Variants in ERCC6 observed in about 807,000 individuals in gnomAD.
ERCC6 encodes ERCC excision repair 6, chromatin remodeling factor, also known as DNA excision repair protein ERCC-6.
A neutral mutation model predicts 158.7 loss-of-function variants in ERCC6; 116 were observed. The ratio of observed to expected loss-of-function variants is 0.73; its 90% CI spans 0.63 to 0.85. The LOEUF (loss-of-function observed/expected upper bound fraction) is 0.85, where lower values mean the gene tolerates loss of function less well. ERCC6 is among the 40% of genes least tolerant of loss of function. The probability of loss-of-function intolerance (pLI) is 0.00; values close to 1 mark genes in which losing one functional copy is unlikely to be tolerated. For synonymous variants in ERCC6, 678 were observed against 659.3 expected, an observed-to-expected ratio of 1.03 and a Z score of -0.43; for missense variants, 1,698 against 1,799.4, an observed-to-expected ratio of 0.94 and a Z score of 1.02.
chr10:49,507,239 C>G (rs1851459457), intron 5 of ERCC6, among the ~76,000 whole-genome samples: 1 of 152,092 alleles, frequency 6.6e-6, no homozygotes, highest in African/African-American at 2.4e-5. Context: ...TTCAAGGTAA[C>G]AAAAGGAAGG....
Position 49,482,803 on chromosome 10 carries a change from G to C in ERCC6, c.2053C>G (p.Leu685Val), listed in dbSNP as rs577381204. 5 of 1,614,064 alleles carry C rather than the reference G, an allele frequency of 3.1e-6. No individual in the cohort carries two copies. Among genetic ancestry groups the C allele is most frequent in the Non-Finnish European group, 3.4e-6 (4 of 1,180,014 alleles). ...AAGATGAAGTCAAAGAGCGACCACAGCTCTCGGAGGTTATTTTGCATCGGT... is the reference window on the plus strand; with the variant it reads ...AAGATGAAGTCAAAGAGCGACCACACCTCTCGGAGGTTATTTTGCATCGGT... ...GSPMQNNLRE[L>V]WSLFDFIFPG... The change falls in exon 10 of 21, where the codon CTG becomes GTG. Residue 685 changes from leucine to valine, a missense_variant. By Grantham distance (32) the Leu-to-Val change is conservative. Coordinates refer to ENST00000355832, the MANE Select transcript of ERCC6 (RefSeq NM_000124.4).
At chr10:49,448,513 T>C in the ERCC6 span, among the ~76,000 whole-genome samples, 3 of 152,358 alleles carry the variant, frequency 2.0e-5, no homozygotes, top group East Asian at 3.9e-4. Context: ...GCTTTTAGTA[T>C]ACTCAAAGAT....
intron 16 of ERCC6, among the ~76,000 whole-genome samples, chr10:49,471,713 C>T (rs1278666807): frequency 6.6e-6 from 1 of 152,208 alleles, no homozygotes; most frequent in African/African-American, 2.4e-5. Context: ...ACTCGTCCTC[C>T]ACCCTCACAC....
chr10:49,467,092 T>G (rs900244887), intron 18 of ERCC6, among the ~76,000 whole-genome samples: 5 of 152,238 alleles, frequency 3.3e-5, no homozygotes, highest in African/African-American at 1.2e-4. Context: ...GACTAGTATT[T>G]GATCATATGG....
intron 6 of ERCC6, chr10:49,503,522 A>G (rs1851389982): frequency 6.6e-6 from 1 of 152,100 alleles, no homozygotes; most frequent in South Asian, 2.1e-4. Context: ...AGGCCCTCAG[A>G]TGGTATTTAA....
At chr10:49,443,809 G>T in the ERCC6 span, among the ~76,000 whole-genome samples, 18 of 152,296 alleles carry the variant, frequency 1.2e-4, no homozygotes, top group African/African-American at 3.9e-4. Flanking sequence ...ATATAGCCTA[G>T]GTGTGTAGTA....
At position 49,454,798 on chromosome 10, in the gene ERCC6, C is replaced by A. The variant is rs916519563; in HGVS notation, c.*4017G>T. ...CCATTTGTGATAATCAATTATGATA[C>A]CACAATGATAAAAACAGTGGGTTAC... On this transcript the variant is annotated 3_prime_UTR_variant, in exon 21 of 21. Coordinates refer to ENST00000355832, the MANE Select transcript of ERCC6 (RefSeq NM_000124.4). Among the ~76,000 whole-genome samples the A allele has an allele frequency of 6.6e-6, 1 of 151,902 alleles. No homozygotes were observed. The highest frequency in any genetic ancestry group is 1.5e-5 in the Non-Finnish European group (1 of 67,992).
At chr10:49,444,395 A>C in the ERCC6 span, among the ~76,000 whole-genome samples, 1 of 152,274 alleles carries the variant, frequency 6.6e-6, no homozygotes, top group Middle Eastern at 3.4e-3. Context: ...AGCTAAGACC[A>C]CCCAAGATCT....
intron 20 of ERCC6, chr10:49,459,980 C>G: frequency 3.3e-6 from 1 of 300,670 alleles, no homozygotes; most frequent in Non-Finnish European, 6.4e-6. Flanking sequence ...AAGACAGGCA[C>G]TCTGCTCTAG....
Position 49,459,051 on chromosome 10 carries a change from A to G in ERCC6, c.4246T>C (p.Ser1416Pro), listed in dbSNP as rs775164694. The G allele has an allele frequency of 6.2e-7, 1 of 1,614,192 alleles. No individual in the cohort carries two copies. The highest frequency in any genetic ancestry group is 1.1e-5 in the South Asian group (1 of 91,086). ...TGTTCTGTGGTGGGCAGCAGGGCAGAAGCTTCCTGCAGGTGCCCGCTTTCA... is the reference window on the plus strand; with the variant it reads ...TGTTCTGTGGTGGGCAGCAGGGCAGGAGCTTCCTGCAGGTGCCCGCTTTCA... ...ESESGHLQEA[S>P]ALLPTTEHDD... Residue 1416 changes from serine to proline, a missense_variant, in exon 21 of 21, where the codon TCT (serine) becomes CCT (proline). Transcript: ENST00000355832.
At chr10:49,517,331 T>C (rs1837009848) in intron 5 of ERCC6, among the ~76,000 whole-genome samples, 1 of 152,238 alleles carries the variant, frequency 6.6e-6, no homozygotes, top group African/African-American at 2.4e-5. Flanking sequence ...TATATGTACC[T>C]GTCTTTGGAT....
At chr10:49,473,101 T>C in intron 14 of ERCC6, 73 bp from the exon 15 acceptor site, 1 of 1,602,662 alleles carries the variant, frequency 6.2e-7, no homozygotes, top group Non-Finnish European at 8.5e-7. Flanking sequence ...TGCCTCCACA[T>C]ATTGTACACA....
intron 1 of ERCC6, 100 bp from the exon 2 acceptor site, chr10:49,533,078 G>C (rs889475751): frequency 4.4e-6 from 6 of 1,366,638 alleles, no homozygotes; most frequent in African/African-American, 4.4e-5. Context: ...AAAAGATCAA[G>C]TAATAATCTT....
At chr10:49,538,159 C>G (rs61846616) in intron 1 of ERCC6, among the ~76,000 whole-genome samples, 24,080 of 152,190 alleles carry the variant, frequency 0.16, 2,677 homozygotes, top group South Asian at 0.26. Context: ...ATCTGGGACA[C>G]TAGTATCTTC....
intron 5 of ERCC6, chr10:49,516,350 C>T (rs1554791909): frequency 6.2e-7 from 1 of 1,614,120 alleles, no homozygotes; most frequent in South Asian, 1.1e-5. Context: ...TCATGCATCT[C>T]TCATTAAGTT....
chr10:49,460,321 C>T, intron 20 of ERCC6, 52 bp downstream of exon 20: 1 of 1,269,170 alleles, frequency 7.9e-7, no homozygotes, highest in Non-Finnish European at 1.2e-6. Context: ...ATTTTCACAG[C>T]ATTCAATCAA....
In ERCC6 at chr10:49,524,260, C is replaced by T. The variant is rs375342009; in HGVS notation, c.1170G>A (p.Gly390=). The T allele has an allele frequency of 2.6e-5, 42 of 1,613,934 alleles. No individual in the cohort carries two copies. In the African/African-American group the frequency reaches 5.6e-4, roughly 22 times the overall value. ...CATCTCCAGACAGGTCCGCCTCTGC[C>T]CCCTCCACCTCGTCATCTTCCTCCT... ...EEEEEDDEVE[G]AEADLSGDGT... is the part of the protein sequence containing the mutation. The change falls in exon 5 of 21, where the codon GGG becomes GGA. Residue 390 remains glycine (G), a synonymous_variant. Transcript: ENST00000355832.
rs1370448307 is a variant in ERCC6 at position 49,528,475 on chromosome 10, G to C, written c.594C>G (p.Ile198Met). Residue 198 changes from isoleucine (I) to methionine (M), a missense_variant, in exon 4 of 21, where the codon ATC becomes ATG. Transcript: ENST00000355832. ...ITAKQKHLQAILGGAEVKIEL... is the reference protein window; with the variant it reads ...ITAKQKHLQAMLGGAEVKIEL... ...CAATTTTCACCTCTGCTCCTCCAAG[G>C]ATGGCCTGGAGATGCTTTTGTTTTG... 6.2e-7 allele frequency: 1 copy of C among 1,614,146 alleles called. No individual in the cohort carries two copies. The highest frequency in any genetic ancestry group is 1.7e-5 in the Admixed American group (1 of 60,026).
In ERCC6 at chr10:49,532,764, C is replaced by T. The variant is rs377611273; in HGVS notation, c.201G>A (p.Arg67=). 1.9e-6 allele frequency: 3 copies of T among 1,614,256 alleles called. No individual in the cohort carries two copies. Among genetic ancestry groups the T allele is most frequent in the Non-Finnish European group, 2.5e-6 (3 of 1,180,048 alleles). ...SAVGCASAAP[R]RGPALLHIDR... ...CGATGTGCAGCAGGGCTGGCCCTCT[C>T]CTCGGAGCTGCTGATGCGCACCCCA... The change falls in exon 2 of 21, where the codon AGG becomes AGA. Residue 67 remains arginine, a synonymous_variant. Coordinates refer to ENST00000355832, the MANE Select transcript of ERCC6 (RefSeq NM_000124.4).
Sources: allele counts gnomAD v4.1 joint callset (sites outside exome capture counted in the v4.1 genomes callset), GRCh38; gene constraint gnomAD v4.1.1; transcripts MANE v1.5; gene names NCBI Gene and HGNC (gene_info 2026-07-23, HGNC 2026-07-21).